UBE2W: variants seen among roughly 807,000 people sequenced by gnomAD.
UBE2W encodes the protein ubiquitin-conjugating enzyme E2 W.
In UBE2W, 18 loss-of-function variants were observed where a neutral mutation model predicts 27.2. The ratio of observed to expected loss-of-function variants is 0.66; its 90% confidence interval spans 0.46 to 0.98. The LOEUF (loss-of-function observed/expected upper bound fraction) is 0.98, where lower values mean the gene tolerates loss of function less well. Ranked by LOEUF, UBE2W falls within the 50% of genes least tolerant of loss-of-function variation. The pLI is 0.00. For missense variants in UBE2W, 90 were observed against 180.2 expected, an observed-to-expected ratio of 0.50 and a Z score of 2.87; for synonymous variants, 53 against 57.2, an observed-to-expected ratio of 0.93 and a Z score of 0.33.
chr8:73,788,967 T>G lies in UBE2W; in HGVS notation c.*5135A>C. On this transcript the variant is annotated 3_prime_UTR_variant, in exon 6 of 6. Transcript: ENST00000602593. The stretch of plus-strand genomic sequence containing the variant: ...CTCAGATATTTTATTAACAAAAAAT[T>G]TTTCATAAAAAAATAGTCATTTAAT... The G allele has an allele frequency of 1.0e-6, 1 of 983,124 alleles. No homozygotes were observed. Among genetic ancestry groups the G allele is most frequent in the Non-Finnish European group, 1.2e-6 (1 of 828,056 alleles). 60.9% of individuals were successfully genotyped at this position (983,124 alleles called of 1,614,324 possible).
intron 3 of UBE2W, 94 bp downstream of exon 3, chr8:73,825,053 G>A (rs541480576): frequency 1.2e-4 from 89 of 715,006 alleles, no homozygotes; most frequent in African/African-American, 4.8e-4. Flanking sequence ...ATCTACATAC[G>A]TATAACTGAT....
At chr8:73,809,824 C>T (rs757705312) in intron 4 of UBE2W, among the ~76,000 whole-genome samples, 62 of 152,284 alleles carry the variant, frequency 4.1e-4, no homozygotes, top group Non-Finnish European at 6.5e-4. Context: ...GGTGATTCAC[C>T]TGCCTAGGCC....
intron 3 of UBE2W, among the ~76,000 whole-genome samples, chr8:73,824,147 G>A (rs1809733533): frequency 6.6e-6 from 1 of 152,172 alleles, no homozygotes; most frequent in Non-Finnish European, 1.5e-5. Context: ...TGAAGAATAA[G>A]TAATTATAGT....
chr8:73,820,817 G>A (rs572621062), intron 3 of UBE2W, among the ~76,000 whole-genome samples: 3 of 151,934 alleles, frequency 2.0e-5, no homozygotes, highest in East Asian at 1.9e-4. Context: ...CAGGCATGGC[G>A]GCAGATGGCT....
chr8:73,874,324 G>A lies in UBE2W; in HGVS notation c.15+4484C>T, dbSNP rs556107889. Among the ~76,000 whole-genome samples, 4 of 152,222 alleles carry A rather than the reference G, an allele frequency of 2.6e-5. No homozygotes were observed. In the East Asian group the frequency reaches 7.7e-4, roughly 29 times the overall value. On this transcript the variant is annotated intron_variant, in intron 1 of 5. Transcript: ENST00000602593. ...CAGGCGCCTGTAGTCCCAGCTACGC[G>A]GGAGACTGAGGCAGGAGAACGGCAT...
intron 5 of UBE2W, among the ~76,000 whole-genome samples, chr8:73,804,668 A>C (rs769019782): frequency 2.1e-4 from 32 of 152,066 alleles, no homozygotes; most frequent in Non-Finnish European, 4.6e-4. Context: ...GAACTAAATG[A>C]ACAAACAAGG....
At chr8:73,868,782 A>G (rs1470623087) in intron 1 of UBE2W, among the ~76,000 whole-genome samples, 1 of 152,102 alleles carries the variant, frequency 6.6e-6, no homozygotes, top group East Asian at 1.9e-4. Flanking sequence ...AAGAAAAATC[A>G]TTGTTTTTTC....
chr8:73,803,759 TTTTTC>T (rs953434872), intron 5 of UBE2W, among the ~76,000 whole-genome samples: 25 of 146,928 alleles, frequency 1.7e-4, no homozygotes, highest in African/African-American at 6.3e-4. Flanking sequence ...TTTGTTTTCT[TTTTTC>T]TTTTCTTTTT....
intron 5 of UBE2W, among the ~76,000 whole-genome samples, chr8:73,794,632 T>C (rs1808336361): frequency 6.6e-6 from 1 of 151,948 alleles, no homozygotes; most frequent in South Asian, 2.1e-4. Context: ...CCGGACACGG[T>C]GGCTCACACC....
At chr8:73,809,375 C>T (rs1164295668) in intron 4 of UBE2W, among the ~76,000 whole-genome samples, 3 of 152,014 alleles carry the variant, frequency 2.0e-5, no homozygotes, top group Admixed American at 6.6e-5. Flanking sequence ...ACAAATAACT[C>T]CCTAACCTCT....
chr8:73,817,170 C>CA (rs1021642853), intron 3 of UBE2W, among the ~76,000 whole-genome samples: 23 of 149,314 alleles, frequency 1.5e-4, no homozygotes, highest in African/African-American at 5.2e-4. Context: ...ACTAAAGATA[C>CA]AAAAAAAATT....
chr8:73,839,751 C>G (rs901521551), intron 1 of UBE2W, among the ~76,000 whole-genome samples: 4 of 87,156 alleles, frequency 4.6e-5, no homozygotes, highest in African/African-American at 2.0e-4. Flanking sequence ...TTTTTTGAAA[C>G]AGAATCTTGC....
intron 1 of UBE2W, among the ~76,000 whole-genome samples, chr8:73,862,479 A>G (rs1422700104): frequency 6.6e-6 from 1 of 152,080 alleles, no homozygotes; most frequent in East Asian, 1.9e-4. Context: ...AAACCCTGGA[A>G]GAAAACCTAG....
chr8:73,850,751 C>T lies in UBE2W; in HGVS notation c.16-20279G>A, dbSNP rs528303960. Among the ~76,000 whole-genome samples the T allele has an allele frequency of 2.5e-4, 15 of 61,152 alleles. No homozygotes were observed. In the South Asian group the frequency reaches 6.7e-3, roughly 27 times the overall value. The allele number at this position is 61,152 out of a possible 152,430, so 40.1% of individuals were successfully genotyped here. ...AAAAAAAAAAAAAAAAAAAAAAAAA[C>T]AGGACACAGAAGGGGCTTCAAAGGT... On this transcript the variant is annotated intron_variant, in intron 1 of 5. Coordinates refer to ENST00000602593, the MANE Select transcript of UBE2W (RefSeq NM_018299.6).
At chr8:73,811,741 T>C (rs1809162010) in intron 3 of UBE2W, among the ~76,000 whole-genome samples, 1 of 152,098 alleles carries the variant, frequency 6.6e-6, no homozygotes, top group Non-Finnish European at 1.5e-5. Context: ...GCAAACTGCC[T>C]CATACCCAAG....
In UBE2W at chr8:73,793,595, T is replaced by A. The variant is rs1808288397; in HGVS notation, c.*507A>T. 1 of 986,040 alleles carries A rather than the reference T, an allele frequency of 1.0e-6. No individual in the cohort carries two copies. Among genetic ancestry groups the A allele is most frequent in the African/African-American group, 1.7e-5 (1 of 57,258 alleles). The allele number at this position is 986,040 out of a possible 1,614,324, so 61.1% of individuals were successfully genotyped here. Reference sequence around the variant, plus strand: ...GATCACAGTGCATAGAATCCAAATATAAACAGTTGGGGTGACTTTTAAAGT... The same window carrying A: ...GATCACAGTGCATAGAATCCAAATAAAAACAGTTGGGGTGACTTTTAAAGT... On this transcript the variant is annotated 3_prime_UTR_variant, in exon 6 of 6. Coordinates refer to ENST00000602593, the MANE Select transcript of UBE2W (RefSeq NM_018299.6).
chr8:73,875,753 T>TA (rs1812190196), intron 1 of UBE2W, among the ~76,000 whole-genome samples: 2 of 152,114 alleles, frequency 1.3e-5, no homozygotes. Flanking sequence ...CACCTTCTAA[T>TA]ATAATAACAC....
chr8:73,830,578 T>A, intron 1 of UBE2W, 106 bp from the exon 2 acceptor site: 1 of 810,756 alleles, frequency 1.2e-6, no homozygotes. Context: ...CTCAAACTCC[T>A]GGGCTCAAGG....
In UBE2W at chr8:73,794,120, A is replaced by T; in HGVS notation, c.443-5T>A. The T allele has an allele frequency of 3.7e-6, 6 of 1,613,222 alleles. No individual in the cohort carries two copies. Among genetic ancestry groups the T allele is most frequent in the Non-Finnish European group, 4.2e-6 (5 of 1,179,582 alleles). On this transcript the variant is annotated splice_region_variant and splice_polypyrimidine_tract_variant and intron_variant, in intron 5 of 5. Coordinates refer to ENST00000602593, the MANE Select transcript of UBE2W (RefSeq NM_018299.6). ...AGTGGCATCAACAAGTATCATCTTT[A>T]AGAAAAGGAGAAAAAAGATAATTAA... is the stretch of plus-strand genomic sequence containing the variant.
Sources: allele counts gnomAD v4.1 joint callset (sites outside exome capture counted in the v4.1 genomes callset), GRCh38; gene constraint gnomAD v4.1.1; transcripts MANE v1.5; gene names NCBI Gene and HGNC (gene_info 2026-07-23, HGNC 2026-07-21).